The following ANKS1B variants were observed in gnomAD, a reference collection of about 807,000 sequenced individuals.
ANKS1B encodes ankyrin repeat and sterile alpha motif domain containing 1B.
A neutral mutation model predicts 148.3 loss-of-function variants in ANKS1B; 36 were observed. The observed-to-expected ratio is 0.24, with a 90% CI of 0.19 to 0.32. The LOEUF (loss-of-function observed/expected upper bound fraction) is 0.32. ANKS1B is among the 10% of genes least tolerant of loss of function. The pLI, the probability that ANKS1B is intolerant of heterozygous loss-of-function variation, is 1.00. For synonymous variants in ANKS1B, 542 were observed against 560.8 expected, an observed-to-expected ratio of 0.97 and a Z score of 0.47; for missense variants, 1,157 against 1,542.6, an observed-to-expected ratio of 0.75 and a Z score of 4.19.
intron 14 of ANKS1B, among the ~76,000 whole-genome samples, chr12:99,195,104 G>A (rs1384684649): frequency 6.6e-6 from 1 of 152,060 alleles, no homozygotes; most frequent in African/African-American, 2.4e-5. Context: ...TTTAACTGAT[G>A]TACTTTATTT....
intron 15 of ANKS1B, among the ~76,000 whole-genome samples, chr12:99,118,931 T>C (rs2062052695): frequency 6.6e-6 from 1 of 152,184 alleles, no homozygotes; most frequent in South Asian, 2.1e-4. Context: ...GTAACAACAA[T>C]AGCAGCAAAA....
chr12:98,787,673 A>G (rs1247016079), intron 22 of ANKS1B, among the ~76,000 whole-genome samples: 1 of 152,050 alleles, frequency 6.6e-6, no homozygotes, highest in East Asian at 1.9e-4. Flanking sequence ...TAATCCCAGC[A>G]CGTAGGGAGG....
chr12:99,422,606 A>G (rs1282425891), intron 11 of ANKS1B, among the ~76,000 whole-genome samples: 1 of 152,226 alleles, frequency 6.6e-6, no homozygotes. Context: ...TGATGTTTAC[A>G]GCAGGAAAAG....
At chr12:99,701,485 G>T (rs184132898) in intron 8 of ANKS1B, among the ~76,000 whole-genome samples, 1 of 151,850 alleles carries the variant, frequency 6.6e-6, no homozygotes, top group East Asian at 1.9e-4. Flanking sequence ...ATCACATCAG[G>T]GTAAACGAGG....
intron 17 of ANKS1B, among the ~76,000 whole-genome samples, chr12:98,851,273 T>C (rs12828909): frequency 0.17 from 26,548 of 152,194 alleles, 2,920 homozygotes; most frequent in Admixed American, 0.28. Flanking sequence ...AAGTGACAGA[T>C]GCTCTTAGGG....
At chr12:98,987,638 T>C (rs572987389) in intron 17 of ANKS1B, among the ~76,000 whole-genome samples, 6 of 152,164 alleles carry the variant, frequency 3.9e-5, no homozygotes, top group Admixed American at 6.6e-5. Flanking sequence ...GGTCTAGGTC[T>C]GGACAATCAC....
At chr12:99,647,514 T>C (rs1416951485) in intron 9 of ANKS1B, among the ~76,000 whole-genome samples, 1 of 152,204 alleles carries the variant, frequency 6.6e-6, no homozygotes, top group Non-Finnish European at 1.5e-5. Context: ...ACAGAAAATT[T>C]ACCTCTAACC....
At chr12:99,090,772 G>T (rs2153645103) in intron 15 of ANKS1B, among the ~76,000 whole-genome samples, 1 of 152,198 alleles carries the variant, frequency 6.6e-6, no homozygotes, top group South Asian at 2.1e-4. Context: ...TGTCTTCTCT[G>T]CATGATTATG....
intron 9 of ANKS1B, among the ~76,000 whole-genome samples, chr12:99,510,393 CA>C (rs1268195571): frequency 6.6e-6 from 1 of 151,916 alleles, no homozygotes; most frequent in African/African-American, 2.4e-5. Flanking sequence ...TGTGATTCAT[CA>C]GATGAAGTCA....
intron 8 of ANKS1B, among the ~76,000 whole-genome samples, chr12:99,691,977 T>C (rs1385378929): frequency 6.6e-6 from 1 of 151,982 alleles, no homozygotes; most frequent in East Asian, 1.9e-4. Flanking sequence ...ACAACTGGGG[T>C]ATGGTGGGCA....
chr12:99,327,130 T>C (rs2086490950), intron 12 of ANKS1B, among the ~76,000 whole-genome samples: 1 of 124,066 alleles, frequency 8.1e-6, no homozygotes, highest in South Asian at 2.2e-4. Flanking sequence ...ATATAATTAA[T>C]ATATTAATAT....
intron 17 of ANKS1B, among the ~76,000 whole-genome samples, chr12:98,980,368 T>G (rs2099907774): frequency 6.6e-6 from 1 of 152,122 alleles, no homozygotes; most frequent in Non-Finnish European, 1.5e-5. Context: ...GCCCAGCTAA[T>G]TTTTCATTTT....
At chr12:98,847,822 C>T (rs935598843) in intron 17 of ANKS1B, among the ~76,000 whole-genome samples, 6 of 152,186 alleles carry the variant, frequency 3.9e-5, no homozygotes, top group African/African-American at 1.4e-4. Context: ...TCTCAAACTC[C>T]TGACCTTAGG....
intron 8 of ANKS1B, among the ~76,000 whole-genome samples, chr12:99,663,167 C>T (rs2098486092): frequency 6.6e-6 from 1 of 152,050 alleles, no homozygotes; most frequent in South Asian, 2.1e-4. Context: ...AGCTGGTTTA[C>T]TTATTCCAAA....
intron 9 of ANKS1B, among the ~76,000 whole-genome samples, chr12:99,651,412 G>A (rs1203829247): frequency 6.6e-6 from 1 of 152,058 alleles, no homozygotes; most frequent in Non-Finnish European, 1.5e-5. Context: ...AGTATCATAT[G>A]ATACTGGAGA....
At chr12:99,120,674 C>T (rs968051422) in intron 15 of ANKS1B, among the ~76,000 whole-genome samples, 8 of 152,080 alleles carry the variant, frequency 5.3e-5, no homozygotes, top group Admixed American at 6.6e-5. Context: ...ATGGAGACAA[C>T]GCTGACATTC....
intron 9 of ANKS1B, among the ~76,000 whole-genome samples, chr12:99,520,778 C>A (rs1220699415): frequency 6.6e-6 from 1 of 151,824 alleles, no homozygotes; most frequent in African/African-American, 2.4e-5. Context: ...CTTCCTCTGA[C>A]TGTGTTTTTT....
chr12:99,902,151 G>C (rs951550008), intron 1 of ANKS1B, among the ~76,000 whole-genome samples: 4 of 152,166 alleles, frequency 2.6e-5, no homozygotes, highest in African/African-American at 9.7e-5. Flanking sequence ...CACTTACATA[G>C]AATGTGCAGA....
intron 9 of ANKS1B, among the ~76,000 whole-genome samples, chr12:99,568,121 T>TAAGTCAGA (rs1269281787): frequency 5.9e-5 from 9 of 152,224 alleles, no homozygotes; most frequent in African/African-American, 1.9e-4. Flanking sequence ...TACTATTCTC[T>TAAGTCAGA]AAGTCAGAAC....
Sources: allele counts gnomAD v4.1 joint callset (sites outside exome capture counted in the v4.1 genomes callset), GRCh38; gene constraint gnomAD v4.1.1; transcripts MANE v1.5; gene names NCBI Gene and HGNC (gene_info 2026-07-23, HGNC 2026-07-21).